The following CNTNAP2 variants were observed in gnomAD, a reference collection of about 807,000 sequenced individuals.
The protein encoded by CNTNAP2 is contactin-associated protein-like 2.
Under a neutral mutation model 155.2 loss-of-function variants are expected in CNTNAP2, and 98 were observed. That is an observed-to-expected ratio of 0.63 (90% CI 0.54 to 0.75). CNTNAP2 has a LOEUF of 0.75. Ranked by LOEUF, CNTNAP2 falls within the 30% of genes least tolerant of loss-of-function variation. The pLI is 0.00. For missense variants in CNTNAP2, 1,727 were observed against 1,688.1 expected, an observed-to-expected ratio of 1.02 and a Z score of -0.40; for synonymous variants, 651 against 631.2, an observed-to-expected ratio of 1.03 and a Z score of -0.47.
intron 1 of CNTNAP2, among the ~76,000 whole-genome samples, chr7:146,657,042 T>C (rs1350260105): frequency 6.6e-6 from 1 of 152,188 alleles, no homozygotes; most frequent in Non-Finnish European, 1.5e-5. Context: ...AATGAAGACA[T>C]GCAATTATCT....
intron 8 of CNTNAP2, among the ~76,000 whole-genome samples, chr7:147,280,988 C>T (rs1269222550): frequency 6.6e-6 from 1 of 151,802 alleles, no homozygotes; most frequent in Non-Finnish European, 1.5e-5. Flanking sequence ...TTGGGTCTTA[C>T]TACCAGGTTT....
At chr7:147,351,216 T>C (rs879284312) in intron 9 of CNTNAP2, among the ~76,000 whole-genome samples, 1 of 151,964 alleles carries the variant, frequency 6.6e-6, no homozygotes, top group South Asian at 2.1e-4. Context: ...TATACTAATT[T>C]ACCTCTTTAT....
chr7:147,357,950 A>C (rs1796091096), intron 9 of CNTNAP2, among the ~76,000 whole-genome samples: 1 of 152,130 alleles, frequency 6.6e-6, no homozygotes, highest in African/African-American at 2.4e-5. Flanking sequence ...TGTTGTGTCC[A>C]CATCCATTCC....
Position 146,455,731 on chromosome 7 carries a change from A to G in CNTNAP2, c.98-318540A>G, listed in dbSNP as rs544535410. The stretch of plus-strand genomic sequence containing the variant: ...ATCCAGCTTATTATTTTTCCTGGGC[A>G]TAAAGAAAATACAATAATTAGGTAG... On this transcript the variant is annotated intron_variant, in intron 1 of 23. Coordinates refer to ENST00000361727, the MANE Select transcript of CNTNAP2 (RefSeq NM_014141.6). 6.6e-5 allele frequency among the ~76,000 whole-genome samples: 10 copies of G among 152,338 alleles called. No individual in the cohort carries two copies. In the East Asian group the frequency reaches 1.7e-3, roughly 26 times the overall value.
At chr7:147,341,928 C>T (rs1795771812) in intron 9 of CNTNAP2, among the ~76,000 whole-genome samples, 1 of 152,100 alleles carries the variant, frequency 6.6e-6, no homozygotes, top group South Asian at 2.1e-4. Context: ...CTATACATTG[C>T]CATAGACCAT....
At chr7:146,869,757 G>C (rs1486182671) in intron 3 of CNTNAP2, among the ~76,000 whole-genome samples, 3 of 152,128 alleles carry the variant, frequency 2.0e-5, no homozygotes, top group African/African-American at 7.2e-5. Flanking sequence ...ATGAAGGCCA[G>C]AAGACTCAGC....
intron 13 of CNTNAP2, among the ~76,000 whole-genome samples, chr7:147,813,810 T>G (rs147640884): frequency 6.6e-5 from 10 of 152,310 alleles, no homozygotes; most frequent in African/African-American, 2.2e-4. Flanking sequence ...CAGCTAGCAT[T>G]TGGCCATTCC....
At chr7:146,758,991 C>T (rs944646521) in intron 1 of CNTNAP2, among the ~76,000 whole-genome samples, 3 of 152,188 alleles carry the variant, frequency 2.0e-5, no homozygotes, top group Non-Finnish European at 2.9e-5. Flanking sequence ...ATGATCCAAT[C>T]AATTTTCTTC....
chr7:147,607,272 G>GT (rs1801088608), intron 12 of CNTNAP2, among the ~76,000 whole-genome samples: 1 of 152,018 alleles, frequency 6.6e-6, no homozygotes, highest in Admixed American at 6.6e-5. Flanking sequence ...CAAGAAACGG[G>GT]ACAGAAGATC....
intron 16 of CNTNAP2, among the ~76,000 whole-genome samples, chr7:148,142,093 CTGTGTGTGTG>C (rs71527881): frequency 1.8e-3 from 251 of 136,414 alleles, no homozygotes; most frequent in Non-Finnish European, 3.1e-3. Context: ...AGATATGTCT[CTGTGTGTGTG>C]TGTGTGTGTG....
At chr7:147,219,354 C>T (rs1280158434) in intron 8 of CNTNAP2, among the ~76,000 whole-genome samples, 2 of 152,044 alleles carry the variant, frequency 1.3e-5, no homozygotes, top group Admixed American at 6.5e-5. Flanking sequence ...GCAGGGAAGC[C>T]GACAGTGCAG....
chr7:148,106,493 G>GAGATATATATATATAT (rs1554472856), intron 15 of CNTNAP2, among the ~76,000 whole-genome samples: 4 of 124,912 alleles, frequency 3.2e-5, no homozygotes, highest in African/African-American at 1.0e-4. Flanking sequence ...CACACTTTGA[G>GAGATATATATATATAT]ATATATATAT....
intron 1 of CNTNAP2, among the ~76,000 whole-genome samples, chr7:146,281,043 G>GGTT (rs1194986933): frequency 6.6e-6 from 1 of 152,126 alleles, no homozygotes; most frequent in Non-Finnish European, 1.5e-5. Context: ...TGAGGATGAG[G>GGTT]GTTGACCTAC....
At chr7:146,563,146 A>G (rs564999734) in intron 1 of CNTNAP2, among the ~76,000 whole-genome samples, 1 of 152,318 alleles carries the variant, frequency 6.6e-6, no homozygotes, top group East Asian at 1.9e-4. Flanking sequence ...AGTTTGCAGG[A>G]ATACCCTGGG....
chr7:148,156,261 G>A (rs1018883429), intron 17 of CNTNAP2, among the ~76,000 whole-genome samples: 2 of 152,136 alleles, frequency 1.3e-5, no homozygotes, highest in African/African-American at 4.8e-5. Context: ...TTTGTTTTGA[G>A]TTCCTTTGGT....
rs750676297 is a variant in CNTNAP2, at chr7:146,376,329, G to A, written c.97+259356G>A. ...AGAGTCTTACAGATTTAATCTATTC[G>A]TTACCTTTGTTCTTTTTCTTCACTG... is the stretch of plus-strand genomic sequence containing the variant. On this transcript the variant is annotated intron_variant, in intron 1 of 23. Transcript: ENST00000361727. 1.4e-3 allele frequency among the ~76,000 whole-genome samples: 219 copies of A among 151,792 alleles called. 4 individuals are homozygous for A. Among genetic ancestry groups the A allele is most frequent in the Non-Finnish European group, 1.2e-3 (80 of 67,928 alleles).
chr7:146,153,851 T>C (rs1401201844), intron 1 of CNTNAP2, among the ~76,000 whole-genome samples: 2 of 151,028 alleles, frequency 1.3e-5, no homozygotes, highest in Admixed American at 6.6e-5. Flanking sequence ...TTTTAGGTAT[T>C]CATAAAGTAC....
At chr7:147,038,814 G>A (rs1443684954) in intron 3 of CNTNAP2, among the ~76,000 whole-genome samples, 1 of 152,160 alleles carries the variant, frequency 6.6e-6, no homozygotes, top group Non-Finnish European at 1.5e-5. Context: ...CAGAGAGGGG[G>A]ATTTTAGTGC....
At chr7:146,876,051 C>G (rs1795422338) in intron 3 of CNTNAP2, among the ~76,000 whole-genome samples, 1 of 151,622 alleles carries the variant, frequency 6.6e-6, no homozygotes, top group Non-Finnish European at 1.5e-5. Context: ...GGCTTCCCTC[C>G]TCTCTTACAT....
Sources: allele counts gnomAD v4.1 joint callset (sites outside exome capture counted in the v4.1 genomes callset), GRCh38; gene constraint gnomAD v4.1.1; transcripts MANE v1.5; gene names NCBI Gene and HGNC (gene_info 2026-07-23, HGNC 2026-07-21).